NBAS: variants seen among roughly 807,000 people sequenced by gnomAD.
The protein encoded by NBAS is NAG/BC035112 fusion.
A neutral mutation model predicts 302.5 loss-of-function variants in NBAS; 219 were observed. The ratio of observed to expected loss-of-function variants is 0.72; its 90% CI spans 0.65 to 0.81. The LOEUF (loss-of-function observed/expected upper bound fraction) is 0.81, where lower values mean the gene tolerates loss of function less well. Ranked by LOEUF, NBAS falls within the 30% of genes least tolerant of loss-of-function variation. The pLI, the probability that NBAS is intolerant of heterozygous loss-of-function variation, is 0.00. For synonymous variants in NBAS, 1,118 were observed against 1,021.6 expected, an observed-to-expected ratio of 1.09 and a Z score of -1.80; for missense variants, 2,932 against 2,841.6, an observed-to-expected ratio of 1.03 and a Z score of -0.72.
At chr2:15,137,132 A>T in the NBAS span, among the ~76,000 whole-genome samples, 112,222 of 151,980 alleles carry the variant, frequency 0.74, 41,716 homozygotes, top group Non-Finnish European at 0.78. Flanking sequence ...AGAAAACAGA[A>T]CCTCACCAGG....
chr2:14,801,264 T>C, the NBAS span, among the ~76,000 whole-genome samples: 1 of 152,100 alleles, frequency 6.6e-6, no homozygotes, highest in Non-Finnish European at 1.5e-5. Context: ...CTGATTTTTT[T>C]CTCTCTCACT....
At chr2:15,444,767 C>A (rs1311916524) in intron 21 of NBAS, among the ~76,000 whole-genome samples, 1 of 151,890 alleles carries the variant, frequency 6.6e-6, no homozygotes, top group Non-Finnish European at 1.5e-5. Context: ...TGACAAAGGG[C>A]TAATATCCAG....
At position 15,459,503 on chromosome 2, in the gene NBAS, C is replaced by CTTTTTTTTTTT. The variant is rs66914120; in HGVS notation, c.2339+1697_2339+1698insAAAAAAAAAAA. On this transcript the variant is annotated intron_variant, in intron 21 of 51. Coordinates refer to ENST00000281513, the MANE Select transcript of NBAS (RefSeq NM_015909.4). ...GAAAAAAGCATCCTGAGCATTTTTT[C>CTTTTTTTTTTT]TTTTTTTTTGAGATGGAGTCTCGTT... Among the ~76,000 whole-genome samples, 116 of 141,372 alleles carry CTTTTTTTTTTT rather than the reference C, an allele frequency of 8.2e-4. 2 individuals are homozygous for CTTTTTTTTTTT. Among genetic ancestry groups the CTTTTTTTTTTT allele is most frequent in the Non-Finnish European group, 9.5e-4 (62 of 65,196 alleles). 92.7% of individuals were successfully genotyped at this position (141,372 alleles called of 152,430 possible).
At chr2:15,514,869 T>C (rs1662313138) in intron 9 of NBAS, among the ~76,000 whole-genome samples, 3 of 152,096 alleles carry the variant, frequency 2.0e-5, no homozygotes, top group African/African-American at 4.8e-5. Context: ...TAGATAAAAC[T>C]GTCTACAAAA....
the NBAS span, among the ~76,000 whole-genome samples, chr2:15,139,063 A>G: frequency 6.6e-6 from 1 of 152,234 alleles, no homozygotes; most frequent in Non-Finnish European, 1.5e-5. Context: ...CCAGTGCCCT[A>G]GCATGGATTT....
chr2:14,944,690 A>T, the NBAS span, among the ~76,000 whole-genome samples: 9 of 152,112 alleles, frequency 5.9e-5, no homozygotes, highest in African/African-American at 2.2e-4. Context: ...AAACTCAAAT[A>T]TGAAGACGAG....
At chr2:15,071,537 T>C in the NBAS span, among the ~76,000 whole-genome samples, 1 of 149,736 alleles carries the variant, frequency 6.7e-6, no homozygotes, top group African/African-American at 2.5e-5. Context: ...GGCAGAAGAA[T>C]CGCTTGAACT....
chr2:15,349,414 C>A (rs779708690), intron 35 of NBAS, among the ~76,000 whole-genome samples: 1 of 152,136 alleles, frequency 6.6e-6, no homozygotes, highest in Non-Finnish European at 1.5e-5. Context: ...AGTTGCTAGT[C>A]AGTACAACTA....
At chr2:14,911,078 T>C in the NBAS span, among the ~76,000 whole-genome samples, 1 of 152,214 alleles carries the variant, frequency 6.6e-6, no homozygotes, top group Non-Finnish European at 1.5e-5. Context: ...TGTCTCTCTG[T>C]TCCTTCCTTT....
the NBAS span, among the ~76,000 whole-genome samples, chr2:15,122,147 T>G: frequency 2.6e-5 from 4 of 151,860 alleles, no homozygotes; most frequent in Non-Finnish European, 5.9e-5. Flanking sequence ...TTTTTTTTTT[T>G]CTTTTTTGCA....
chr2:15,300,398 AC>A (rs779652422), intron 40 of NBAS, among the ~76,000 whole-genome samples: 3 of 152,224 alleles, frequency 2.0e-5, no homozygotes, highest in Non-Finnish European at 2.9e-5. Flanking sequence ...TTAATTCCAA[AC>A]TCAGCAGTGC....
At chr2:14,951,708 G>C in the NBAS span, among the ~76,000 whole-genome samples, 1 of 152,150 alleles carries the variant, frequency 6.6e-6, no homozygotes, top group Non-Finnish European at 1.5e-5. Context: ...GTTAGTGCTT[G>C]ACATTGTTTA....
chr2:15,441,078 T>C (rs375728786), intron 21 of NBAS, among the ~76,000 whole-genome samples: 2,883 of 152,116 alleles, frequency 0.019, 68 homozygotes, highest in East Asian at 0.058. Context: ...TTGGAAAACA[T>C]TCTGCAGGAT....
Position 15,366,637 on chromosome 2 carries a change from TG to T in NBAS, c.3759del (p.Thr1254HisfsTer16), listed in dbSNP as rs1558275372. 1 of 1,614,054 alleles carries T rather than the reference TG, an allele frequency of 6.2e-7. No individual in the cohort carries two copies. The highest frequency in any genetic ancestry group is 2.2e-5 in the East Asian group (1 of 44,856). ...SLIKECISQS[P>X]TCYKQSTKLL... ...AGCTTGGTGGATTGTTTATAGCATG[TG>T]GGGGACTGGGAAATACACTCCTTGA... is the stretch of plus-strand genomic sequence containing the variant. On this transcript the variant is annotated frameshift_variant, in exon 32 of 52. Transcript: ENST00000281513. LOFTEE classifies it high-confidence loss of function.
At chr2:14,922,317 A>G in the NBAS span, among the ~76,000 whole-genome samples, 3 of 152,328 alleles carry the variant, frequency 2.0e-5, no homozygotes, top group African/African-American at 7.2e-5. Context: ...AAATGGAGAG[A>G]TTAGGAAAGT....
chr2:15,513,234 T>C lies in NBAS; in HGVS notation c.747-1884A>G, dbSNP rs60618299. 9.6e-3 allele frequency among the ~76,000 whole-genome samples: 1,460 copies of C among 152,290 alleles called. 30 individuals carry two copies. The highest frequency in any genetic ancestry group is 0.033 in the African/African-American group (1,387 of 41,552). On this transcript the variant is annotated intron_variant, in intron 9 of 51. Coordinates refer to ENST00000281513, the MANE Select transcript of NBAS (RefSeq NM_015909.4). ...TCTAACAAATTTTCATCTCAGCAAATTGGAAGTAAAAAACTTTGAGACGAT... is the reference window on the plus strand; with the variant it reads ...TCTAACAAATTTTCATCTCAGCAAACTGGAAGTAAAAAACTTTGAGACGAT...
chr2:15,234,766 C>T lies in NBAS; in HGVS notation c.5944-19G>A. ...GTGTTTCCTGTAAAGACATGGTAAT[C>T]AGCACTTAAGTATCAAATAGAAATT... On this transcript the variant is annotated intron_variant, in intron 45 of 51. Coordinates refer to ENST00000281513, the MANE Select transcript of NBAS (RefSeq NM_015909.4). 2.5e-6 allele frequency: 4 copies of T among 1,609,730 alleles called. No individual in the cohort carries two copies. The highest frequency in any genetic ancestry group is 3.4e-6 in the Non-Finnish European group (4 of 1,176,074).
the NBAS span, among the ~76,000 whole-genome samples, chr2:14,992,843 G>A: frequency 4.6e-5 from 7 of 152,236 alleles, no homozygotes; most frequent in South Asian, 4.2e-4. Flanking sequence ...AAGGACCTTC[G>A]CTGGCCATGG....
chr2:15,536,396 G>C, intron 8 of NBAS, 22 bp downstream of exon 8: 1 of 1,609,088 alleles, frequency 6.2e-7, no homozygotes, highest in East Asian at 2.2e-5. Context: ...TTTCAAATAT[G>C]GCTTCCAAAG....
Sources: allele counts gnomAD v4.1 joint callset (sites outside exome capture counted in the v4.1 genomes callset), GRCh38; gene constraint gnomAD v4.1.1; transcripts MANE v1.5; gene names NCBI Gene and HGNC (gene_info 2026-07-23, HGNC 2026-07-21).